Variants in RALGPS1 observed in about 807,000 individuals in gnomAD.
RALGPS1 encodes the protein Ral GEF with PH domain and SH3 binding motif 1, also known as ras-specific guanine nucleotide-releasing factor RalGPS1.
RALGPS1 carries 19 observed loss-of-function variants against 78.8 expected under a neutral mutation model. The ratio of observed to expected loss-of-function variants is 0.24; its 90% CI spans 0.17 to 0.35. RALGPS1 has a LOEUF of 0.35. RALGPS1 is among the 10% of genes least tolerant of loss of function. The probability of loss-of-function intolerance (pLI) is 1.00; values close to 1 mark genes in which losing one functional copy is unlikely to be tolerated. For missense variants in RALGPS1, 454 were observed against 688.3 expected (o/e 0.66, Z 3.81); for synonymous variants, 228 against 256.3 (o/e 0.89, Z 1.06).
intron 11 of RALGPS1, among the ~76,000 whole-genome samples, chr9:127,178,932 C>T (rs368328152): frequency 1.2e-4 from 19 of 152,232 alleles, no homozygotes; most frequent in Admixed American, 6.5e-5. Flanking sequence ...CTGTCTGCTC[C>T]GCCAGACTGA....
intron 8 of RALGPS1, among the ~76,000 whole-genome samples, chr9:127,121,640 C>T (rs969172407): frequency 6.6e-6 from 1 of 152,174 alleles, no homozygotes; most frequent in Non-Finnish European, 1.5e-5. Flanking sequence ...CCTGCTGTCC[C>T]CTTGCGGGGG....
At chr9:126,951,885 T>C (rs946407187) in intron 1 of RALGPS1, among the ~76,000 whole-genome samples, 2 of 152,246 alleles carry the variant, frequency 1.3e-5, no homozygotes, top group African/African-American at 4.8e-5. Context: ...AAATTGTCCC[T>C]GTTTGCAGAT....
chr9:127,106,157 A>G (rs1236401135), intron 8 of RALGPS1, among the ~76,000 whole-genome samples: 1 of 152,258 alleles, frequency 6.6e-6, no homozygotes, highest in Non-Finnish European at 1.5e-5. Flanking sequence ...AACCAGAGAC[A>G]CTTAGGCCAG....
rs2130934782 is a variant in RALGPS1, at chr9:127,212,670, C to T, written c.1397C>T (p.Thr466Ile). ...TRYWVILSGS[T>I]LLYYGAKSLR... ...TACTGGGTCATACTCTCAGGATCCA[C>T]CCTCCTGTACTACGGAGCCAAGTCC... The change falls in exon 16 of 19, where the codon ACC (threonine) becomes ATC (isoleucine). Residue 466 changes from threonine to isoleucine, a missense_variant. Transcript: ENST00000259351. This position sits in a 1 kb window ranked among gnomAD's most constrained non-coding sequence, Gnocchi z 6.0. 7 of 1,613,580 alleles carry T rather than the reference C, an allele frequency of 4.3e-6. No homozygotes were observed. Among genetic ancestry groups the T allele is most frequent in the Non-Finnish European group, 5.9e-6 (7 of 1,179,694 alleles).
chr9:127,062,593 T>G (rs1159819913), intron 7 of RALGPS1, among the ~76,000 whole-genome samples: 1 of 152,198 alleles, frequency 6.6e-6, no homozygotes, highest in Non-Finnish European at 1.5e-5. Context: ...GGTATGAAAT[T>G]AGTCAGTATT....
At chr9:127,108,853 G>T in intron 8 of RALGPS1, 1 of 1,101,956 alleles carries the variant, frequency 9.1e-7, no homozygotes, top group Non-Finnish European at 1.3e-6. Flanking sequence ...AGTGATCCCA[G>T]CCTTCTCGCC....
chr9:126,988,986 G>T (rs891740176), intron 4 of RALGPS1, among the ~76,000 whole-genome samples: 1 of 152,170 alleles, frequency 6.6e-6, no homozygotes, highest in African/African-American at 2.4e-5. Context: ...AAAGGCTGAA[G>T]GACTCAGGAG....
At chr9:127,177,216 A>G (rs2059930808) in intron 11 of RALGPS1, among the ~76,000 whole-genome samples, 1 of 152,186 alleles carries the variant, frequency 6.6e-6, no homozygotes, top group South Asian at 2.1e-4. Flanking sequence ...AGATGGGTGG[A>G]TGAAGAGCCA....
At chr9:127,030,636 G>C (rs2046347768) in intron 4 of RALGPS1, among the ~76,000 whole-genome samples, 1 of 151,860 alleles carries the variant, frequency 6.6e-6, no homozygotes, top group Non-Finnish European at 1.5e-5. Flanking sequence ...TGGGAGAGGT[G>C]TTTTTTATTG....
At chr9:126,963,526 C>G (rs1416286582) in intron 2 of RALGPS1, among the ~76,000 whole-genome samples, 1 of 152,140 alleles carries the variant, frequency 6.6e-6, no homozygotes, top group Non-Finnish European at 1.5e-5. Flanking sequence ...ACATGTATAA[C>G]TGAAGTGCTC....
chr9:126,951,252 G>A (rs888633791), intron 1 of RALGPS1, among the ~76,000 whole-genome samples: 2 of 147,154 alleles, frequency 1.4e-5, no homozygotes, highest in Non-Finnish European at 3.0e-5. Context: ...AGGAGGAACT[G>A]GTACCATTCC....
intron 14 of RALGPS1, among the ~76,000 whole-genome samples, chr9:127,202,907 G>C (rs1022907331): frequency 6.7e-6 from 1 of 150,014 alleles, no homozygotes; most frequent in East Asian, 2.0e-4. Flanking sequence ...GGCGGCCGCA[G>C]GGCAGCGGCC....
At chr9:127,100,221 A>G (rs1463873267) in intron 8 of RALGPS1, among the ~76,000 whole-genome samples, 5 of 152,230 alleles carry the variant, frequency 3.3e-5, no homozygotes, top group Non-Finnish European at 2.9e-5. Context: ...TTTAAAAGCA[A>G]AAGTATTAAA....
intron 17 of RALGPS1, among the ~76,000 whole-genome samples, chr9:127,213,525 C>A (rs768401372): frequency 1.3e-5 from 2 of 152,188 alleles, no homozygotes; most frequent in Non-Finnish European, 2.9e-5. Flanking sequence ...CAGTTCCTCC[C>A]GGTTCCCACT....
intron 7 of RALGPS1, among the ~76,000 whole-genome samples, chr9:127,057,518 T>C (rs756313893): frequency 6.6e-6 from 1 of 152,186 alleles, no homozygotes; most frequent in Non-Finnish European, 1.5e-5. Flanking sequence ...ACACTGAACA[T>C]AGGCCTGTAC....
chr9:127,222,667 CTT>C lies in RALGPS1; in HGVS notation c.*3900_*3901del, dbSNP rs1564826017. On this transcript the variant is annotated 3_prime_UTR_variant, in exon 19 of 19. Coordinates refer to ENST00000259351, the MANE Select transcript of RALGPS1 (RefSeq NM_014636.3). ...CTGTCCATTTTAGAACCATTAATCT[CTT>C]TATCCATTGCTGAACGACTGTGACT... The C allele has an allele frequency of 1.3e-5, 2 of 152,572 alleles. No homozygotes were observed. The highest frequency in any genetic ancestry group is 2.9e-5 in the Non-Finnish European group (2 of 68,050). The allele number at this position is 152,572 out of a possible 1,614,324, so 9.5% of individuals were successfully genotyped here.
intron 11 of RALGPS1, 132 bp from the exon 12 acceptor site, chr9:127,194,959 C>T (rs1564768489): frequency 9.5e-7 from 1 of 1,056,774 alleles, no homozygotes; most frequent in Non-Finnish European, 1.4e-6. Context: ...ATGAACCTTG[C>T]CCCACCTGTG....
intron 11 of RALGPS1, among the ~76,000 whole-genome samples, chr9:127,178,732 C>T (rs950997916): frequency 2.0e-5 from 3 of 152,210 alleles, no homozygotes; most frequent in Non-Finnish European, 2.9e-5. Flanking sequence ...TGGCTGTTTT[C>T]ATGCAGCAGT....
In RALGPS1 at chr9:126,962,224, G is replaced by T; in HGVS notation, c.-65-1G>T. On this transcript the variant is annotated splice_acceptor_variant, in intron 1 of 18. Transcript: ENST00000259351. LOFTEE classifies it low-confidence loss of function (5UTR_SPLICE). ...TTTTTATGAGCCCCTTTGCCTTGCA[G>T]GACTTCTCCAGACAGGTTATGTTAC... 6.4e-7 allele frequency: 1 copy of T among 1,557,180 alleles called. No homozygotes were observed. The highest frequency in any genetic ancestry group is 1.1e-5 in the South Asian group (1 of 88,460).
Sources: gnomAD v4.1 joint callset for allele counts (sites outside exome capture counted in the v4.1 genomes callset) on GRCh38, gnomAD v4.1.1 for gene constraint, Gnocchi (gnomAD v3.1) non-coding constraint, MANE v1.5 for transcripts, NCBI Gene and HGNC (gene_info 2026-07-23, HGNC 2026-07-21) for gene names.